DDX10: variants seen among roughly 807,000 people sequenced by gnomAD.
The protein encoded by DDX10 is probable ATP-dependent RNA helicase DDX10.
A neutral mutation model predicts 104.3 loss-of-function variants in DDX10; 74 were observed. That is an observed-to-expected ratio of 0.71 (90% CI 0.59 to 0.86). The LOEUF is 0.86. Ranked by LOEUF, DDX10 falls within the 40% of genes least tolerant of loss-of-function variation. DDX10 has a pLI of 0.00. For missense variants in DDX10, 952 were observed against 1,040.0 expected (o/e 0.92, Z 1.16); for synonymous variants, 351 against 353.4 (o/e 0.99, Z 0.08).
At chr11:108,936,329 A>C (rs1226705499) in intron 17 of DDX10, among the ~76,000 whole-genome samples, 2 of 152,194 alleles carry the variant, frequency 1.3e-5, no homozygotes, top group Non-Finnish European at 2.9e-5. Context: ...TGAATTCTTT[A>C]GCTCTACTTC....
intron 16 of DDX10, among the ~76,000 whole-genome samples, chr11:108,910,437 G>T (rs1863653939): frequency 6.6e-6 from 1 of 152,194 alleles, no homozygotes; most frequent in Non-Finnish European, 1.5e-5. Flanking sequence ...TACGTTTGTT[G>T]TAGGAGAATG....
At chr11:108,827,443 A>AT (rs1393663299) in intron 13 of DDX10, among the ~76,000 whole-genome samples, 3 of 152,116 alleles carry the variant, frequency 2.0e-5, no homozygotes, top group South Asian at 2.1e-4. Context: ...GGCAGATCTG[A>AT]TTTTCATTTT....
At chr11:108,899,329 C>T (rs746743260) in intron 16 of DDX10, among the ~76,000 whole-genome samples, 2 of 151,342 alleles carry the variant, frequency 1.3e-5, no homozygotes, top group African/African-American at 2.4e-5. Flanking sequence ...ATTTATGATG[C>T]CTGAAGACAG....
At chr11:108,772,838 CCT>C (rs1256590680) in intron 13 of DDX10, among the ~76,000 whole-genome samples, 3 of 152,182 alleles carry the variant, frequency 2.0e-5, no homozygotes, top group South Asian at 2.1e-4. Context: ...CTGACCATCC[CCT>C]GTCAGTGGAA....
intron 15 of DDX10, among the ~76,000 whole-genome samples, chr11:108,848,678 A>G (rs1377695573): frequency 1.3e-5 from 2 of 152,146 alleles, no homozygotes; most frequent in Non-Finnish European, 2.9e-5. Context: ...AGCATCGAAA[A>G]TGAGACAAGT....
At chr11:108,744,115 C>T (rs775389845) in intron 13 of DDX10, among the ~76,000 whole-genome samples, 8 of 152,066 alleles carry the variant, frequency 5.3e-5, no homozygotes, top group Non-Finnish European at 7.4e-5. Flanking sequence ...TTCAGACCTA[C>T]GACTCATTTA....
intron 6 of DDX10, among the ~76,000 whole-genome samples, chr11:108,682,143 C>T (rs576790558): frequency 1.3e-4 from 20 of 151,234 alleles, no homozygotes; most frequent in South Asian, 8.4e-4. Context: ...CTTGCTCTGT[C>T]GCCCAGGCTG....
intron 16 of DDX10, among the ~76,000 whole-genome samples, chr11:108,912,932 T>A (rs558934073): frequency 1.2e-4 from 18 of 152,164 alleles, no homozygotes; most frequent in Middle Eastern, 3.2e-3. Flanking sequence ...CTTATCTACC[T>A]ATGACCTGGA....
chr11:108,719,617 T>G (rs1328618037), intron 11 of DDX10, among the ~76,000 whole-genome samples, 180 bp from the exon 12 acceptor site: 1 of 152,198 alleles, frequency 6.6e-6, no homozygotes, highest in East Asian at 1.9e-4. Flanking sequence ...CAAAGTTTTT[T>G]TCTAATATTA....
At chr11:108,843,245 G>T (rs1862664917) in intron 15 of DDX10, among the ~76,000 whole-genome samples, 1 of 151,986 alleles carries the variant, frequency 6.6e-6, no homozygotes, top group Non-Finnish European at 1.5e-5. Flanking sequence ...TTAATAAAAG[G>T]CAATATAGCA....
chr11:108,905,259 A>C (rs1038736582), intron 16 of DDX10, among the ~76,000 whole-genome samples: 1 of 132,616 alleles, frequency 7.5e-6, no homozygotes, highest in African/African-American at 2.8e-5. Flanking sequence ...AAAAAATTTC[A>C]TCTCTTTAAT....
rs185233224 is a variant in DDX10 at position 108,874,949 on chromosome 11, C to T, written c.2304+22740C>T. Among the ~76,000 whole-genome samples, 3 of 152,230 alleles carry T rather than the reference C, an allele frequency of 2.0e-5. No individual in the cohort carries two copies. In the East Asian group the frequency reaches 5.8e-4, roughly 29 times the overall value. ...GTGCCAGTTATTTAAACCCTTAGAG[C>T]AATTTCCCCATTTATATAATGAAGG... On this transcript the variant is annotated intron_variant, in intron 16 of 17. Transcript: ENST00000322536.
intron 13 of DDX10, among the ~76,000 whole-genome samples, chr11:108,788,978 C>G (rs1861833713): frequency 6.6e-6 from 1 of 152,148 alleles, no homozygotes; most frequent in Non-Finnish European, 1.5e-5. Flanking sequence ...GGGGCTCTCT[C>G]AGGCAGGGGC....
At chr11:108,746,877 C>G (rs971234) in intron 13 of DDX10, among the ~76,000 whole-genome samples, 150,943 of 152,276 alleles carry the variant, frequency 0.99, 74,837 homozygotes, top group Middle Eastern at 1. Flanking sequence ...AACAATACCT[C>G]TTAGCTTGGT....
intron 16 of DDX10, among the ~76,000 whole-genome samples, chr11:108,894,046 A>C (rs1332349114): frequency 6.6e-6 from 1 of 152,092 alleles, no homozygotes; most frequent in Non-Finnish European, 1.5e-5. Flanking sequence ...AAAGGGATGG[A>C]ATAGAGAATT....
At chr11:108,686,953 T>C (rs1443906616) in intron 6 of DDX10, among the ~76,000 whole-genome samples, 1 of 151,980 alleles carries the variant, frequency 6.6e-6, no homozygotes, top group Admixed American at 6.6e-5. Context: ...CCCGGCTACT[T>C]TTTTTGTACT....
At chr11:108,867,726 G>T (rs1208211460) in intron 16 of DDX10, among the ~76,000 whole-genome samples, 1 of 152,152 alleles carries the variant, frequency 6.6e-6, no homozygotes, top group African/African-American at 2.4e-5. Flanking sequence ...TTAAAGGCCA[G>T]TCCCTTATCA....
At chr11:108,744,096 T>G (rs2094328564) in intron 13 of DDX10, among the ~76,000 whole-genome samples, 1 of 152,170 alleles carries the variant, frequency 6.6e-6, no homozygotes, top group South Asian at 2.1e-4. Flanking sequence ...ATTCATAAGC[T>G]TTTTCAAATT....
intron 16 of DDX10, among the ~76,000 whole-genome samples, chr11:108,867,069 T>G (rs1158549385): frequency 6.6e-6 from 1 of 152,114 alleles, no homozygotes; most frequent in East Asian, 1.9e-4. Flanking sequence ...CGTGGAAATA[T>G]TATAATAACA....
Sources: gnomAD v4.1 joint callset for allele counts (sites outside exome capture counted in the v4.1 genomes callset) on GRCh38, gnomAD v4.1.1 for gene constraint, MANE v1.5 for transcripts, NCBI Gene and HGNC (gene_info 2026-07-23, HGNC 2026-07-21) for gene names.